DMAC2L: variants seen among roughly 807,000 people sequenced by gnomAD.
DMAC2L encodes the protein ATP synthase subunit s, mitochondrial.
A neutral mutation model predicts 22.5 loss-of-function variants in DMAC2L; 21 were observed. That is an observed-to-expected ratio of 0.93 (90% CI 0.66 to 1.34). The LOEUF (loss-of-function observed/expected upper bound fraction) is 1.34. Among genes scored for constraint, DMAC2L ranks in the 40% most tolerant of loss-of-function variants. The pLI is 0.00. For synonymous variants in DMAC2L, 86 were observed against 89.5 expected (o/e 0.96, Z 0.22); for missense variants, 239 against 246.5 (o/e 0.97, Z 0.20).
chr14:50,313,503 A>G (rs1233492926), intron 1 of DMAC2L, among the ~76,000 whole-genome samples: 1 of 152,192 alleles, frequency 6.6e-6, no homozygotes, highest in Admixed American at 6.5e-5. Context: ...AGTGGTACAT[A>G]GTTTGCTTTA....
rs753895702 is a variant in DMAC2L at position 50,324,037 on chromosome 14, C to G, written c.409C>G (p.Gln137Glu). ...LLRLSQLENL[Q>E]KTILEMEIIS... ...GAGACTTAGTCAACTTGAAAATTTA[C>G]AAAAAACCATATTGGAAATGGAAAT... The change falls in exon 5 of 6, where the codon CAA (glutamine) becomes GAA (glutamate). Residue 137 changes from glutamine to glutamate, a missense_variant. Transcript: ENST00000557421. The G allele has an allele frequency of 1.8e-5, 29 of 1,613,478 alleles. No homozygotes were observed. In the African/African-American group the frequency reaches 3.7e-4, roughly 21 times the overall value.
chr14:50,322,614 CAGA>C lies in DMAC2L; in HGVS notation c.214_216del (p.Lys72del), dbSNP rs774539812. 5.6e-6 allele frequency: 9 copies of C among 1,614,182 alleles called. No individual in the cohort carries two copies. The highest frequency in any genetic ancestry group is 4.2e-6 in the Non-Finnish European group (5 of 1,180,026). On this transcript the variant is annotated inframe_deletion, in exon 4 of 6. Coordinates refer to ENST00000557421, the MANE Select transcript of DMAC2L (RefSeq NM_001382507.1). ...GCGCTACCATGGCCAGGAGAGGTGG[CAGA>C]AGGACTACAACCACCTTCCAACAGG...
At chr14:50,311,786 G>A (rs112182124), upstream of DMAC2L, among the ~76,000 whole-genome samples, 1 of 152,196 alleles carries the variant, frequency 6.6e-6, no homozygotes, top group African/African-American at 2.4e-5. Context: ...CAAAGCCAGA[G>A]CTACTCCCGA....
At chr14:50,313,125 C>G in intron 1 of DMAC2L, 1 of 1,296,876 alleles carries the variant, frequency 7.7e-7, no homozygotes, top group Non-Finnish European at 1.1e-6. Flanking sequence ...TCTAAAGGAC[C>G]TTCTAACTCT....
chr14:50,324,200 C>CT (rs763540026), intron 5 of DMAC2L, 84 bp downstream of exon 5: 2 of 1,364,152 alleles, frequency 1.5e-6, no homozygotes, highest in South Asian at 3.3e-5. Context: ...GGGGTGGTGT[C>CT]TTTTTTTAGT....
chr14:50,316,912 T>G (rs2031851844), intron 2 of DMAC2L, among the ~76,000 whole-genome samples: 1 of 152,200 alleles, frequency 6.6e-6, no homozygotes, highest in African/African-American at 2.4e-5. Context: ...TAGGATTGTT[T>G]TTTCTAGTTC....
At chr14:50,312,048 T>C, upstream of DMAC2L, 5 of 1,588,460 alleles carry the variant, frequency 3.1e-6, no homozygotes, top group Non-Finnish European at 4.3e-6. Context: ...CACAGCGGTC[T>C]TGGCCTCCCA....
At chr14:50,324,164 AAT>A in intron 5 of DMAC2L, 48 bp downstream of exon 5, 1 of 1,521,654 alleles carries the variant, frequency 6.6e-7, no homozygotes, top group Non-Finnish European at 8.8e-7. Flanking sequence ...TGTTAAGGTG[AAT>A]AGTTAGAATT....
rs898624462 is a variant in DMAC2L at position 50,322,948 on chromosome 14, T to G, written c.316+229T>G. The G allele has an allele frequency of 3.6e-6, 5 of 1,392,158 alleles. No homozygotes were observed. In the African/African-American group the frequency reaches 7.3e-5, roughly 20 times the overall value. 86.2% of individuals were successfully genotyped at this position (1,392,158 alleles called of 1,614,324 possible). A position where few individuals can be genotyped will look rare whatever the true frequency, so the allele number is the denominator to read the frequency against. ...GCTTGTTTCTGTATGTCTCTAGTCT[T>G]TGGTTTATTGACTTAAAATCCAGGG... On this transcript the variant is annotated intron_variant, in intron 4 of 5. Transcript: ENST00000557421.
In DMAC2L at chr14:50,322,568, G is replaced by T. The variant is rs1360168324; in HGVS notation, c.165G>T (p.Leu55Phe). The T allele has an allele frequency of 6.2e-7, 1 of 1,614,168 alleles. No individual in the cohort carries two copies. Among genetic ancestry groups the T allele is most frequent in the Admixed American group, 1.7e-5 (1 of 60,026 alleles). Residue 55 changes from leucine (L) to phenylalanine (F), a missense_variant, in exon 4 of 6, where the codon TTG becomes TTT. Leu to Phe is a conservative substitution (Grantham distance 22). Coordinates refer to ENST00000557421, the MANE Select transcript of DMAC2L (RefSeq NM_001382507.1). ...CTGACAGGGCGGCATCCGAGTGGTT[G>T]CTGCGCTGTGGGGCCATGGTGCGCT... ...VGPDRAASEW[L>F]LRCGAMVRYH...
intron 1 of DMAC2L, chr14:50,312,763 C>G: frequency 2.1e-6 from 1 of 483,736 alleles, no homozygotes; most frequent in Non-Finnish European, 3.7e-6. Context: ...AAGGGCGCTC[C>G]CTGTCCGGCC....
At chr14:50,313,691 C>T (rs1414489714) in intron 1 of DMAC2L, among the ~76,000 whole-genome samples, 4 of 152,224 alleles carry the variant, frequency 2.6e-5, no homozygotes, top group Admixed American at 1.3e-4. Context: ...TACCATATCA[C>T]AACCAGGTAA....
In DMAC2L at chr14:50,322,381, C is replaced by CT; in HGVS notation, c.108-129dup. Reference sequence around the variant, plus strand: ...TTTTGTTTTTTTTGCATGGATCTCACTAATTTATCTTCCTCGTCAGTCACT... The same window carrying CT: ...TTTTGTTTTTTTTGCATGGATCTCACTTAATTTATCTTCCTCGTCAGTCACT... On this transcript the variant is annotated intron_variant, in intron 3 of 5. Coordinates refer to ENST00000557421, the MANE Select transcript of DMAC2L (RefSeq NM_001382507.1). The CT allele has an allele frequency of 2.2e-6, 2 of 922,364 alleles. 1 individual carries two copies. The highest frequency in any genetic ancestry group is 2.9e-6 in the Non-Finnish European group (2 of 685,738). The allele number at this position is 922,364 out of a possible 1,614,324, so 57.1% of individuals were successfully genotyped here.
At chr14:50,324,771 T>C (rs1270036192) in intron 5 of DMAC2L, 1 of 152,200 alleles carries the variant, frequency 6.6e-6, no homozygotes, top group Non-Finnish European at 1.5e-5. Flanking sequence ...GAATAGAAGT[T>C]TTTTTGTTTG....
At chr14:50,314,799 G>A (rs915915037) in intron 2 of DMAC2L, among the ~76,000 whole-genome samples, 173 bp downstream of exon 2, 4 of 151,574 alleles carry the variant, frequency 2.6e-5, no homozygotes, top group South Asian at 2.1e-4. Flanking sequence ...ATGCCACCAC[G>A]CCCGGCAAAC....
chr14:50,318,349 A>G (rs1037166160), intron 2 of DMAC2L, among the ~76,000 whole-genome samples: 5 of 152,224 alleles, frequency 3.3e-5, no homozygotes, highest in African/African-American at 1.2e-4. Context: ...GCCAAATATA[A>G]ATTTAATTTT....
upstream of DMAC2L, chr14:50,311,941 C>G (rs2031232024): frequency 6.5e-7 from 1 of 1,530,970 alleles, no homozygotes; most frequent in African/African-American, 1.4e-5. Flanking sequence ...AACAGGGGCA[C>G]AGGTCCACCA....
chr14:50,319,933 G>A (rs1189808642), intron 2 of DMAC2L, among the ~76,000 whole-genome samples: 2 of 152,066 alleles, frequency 1.3e-5, no homozygotes, highest in East Asian at 3.9e-4. Context: ...ACTATGTAAT[G>A]TCATTCCCAT....
chr14:50,312,044 G>C (rs1199566427), upstream of DMAC2L: 1 of 1,585,866 alleles, frequency 6.3e-7, no homozygotes, highest in Non-Finnish European at 8.6e-7. Flanking sequence ...TCCACACAGC[G>C]GTCTTGGCCT....
Sources: gnomAD v4.1 joint callset for allele counts (sites outside exome capture counted in the v4.1 genomes callset) on GRCh38, gnomAD v4.1.1 for gene constraint, MANE v1.5 for transcripts, NCBI Gene and HGNC (gene_info 2026-07-23, HGNC 2026-07-21) for gene names.